Variants in NF1 observed in about 807,000 individuals in gnomAD.
NF1 encodes the protein neurofibromin 1, also known as neurofibromin.
A neutral mutation model predicts 325.7 loss-of-function variants in NF1; 122 were observed. The observed-to-expected ratio is 0.37, with a 90% CI of 0.32 to 0.44. The LOEUF is 0.44. Among genes scored for constraint, NF1 ranks in the 20% least tolerant of loss-of-function variants. The pLI is 1.00. For missense variants in NF1, 2,140 were observed against 3,415.4 expected, an observed-to-expected ratio of 0.63 and a Z score of 9.31; for synonymous variants, 1,091 against 1,186.0, an observed-to-expected ratio of 0.92 and a Z score of 1.65.
chr17:31,304,049 T>G, intron 36 of NF1: 2 of 452,238 alleles, frequency 4.4e-6, no homozygotes, highest in Non-Finnish European at 7.8e-6. Context: ...TACTATACTT[T>G]AAAGATAGGT....
At chr17:31,318,396 G>T in intron 36 of NF1, 1 of 1,613,924 alleles carries the variant, frequency 6.2e-7, no homozygotes. Context: ...GCATCACTAG[G>T]TTGGGTCCTG....
intron 36 of NF1, among the ~76,000 whole-genome samples, chr17:31,269,100 G>T (rs186172873): frequency 3.9e-5 from 6 of 152,078 alleles, no homozygotes; most frequent in Admixed American, 2.6e-4. Flanking sequence ...CTGCTTTGCT[G>T]GAACTCTGTG....
chr17:31,320,840 A>G (rs1273400095), intron 36 of NF1: 1 of 173,166 alleles, frequency 5.8e-6, no homozygotes, highest in Admixed American at 5.8e-5. Context: ...TTTTTATACT[A>G]GACTGGACTT....
rs1597747170 is a variant in NF1 at position 31,260,510 on chromosome 17, C to A, written c.4572C>A (p.Ser1524Arg). 2.5e-6 allele frequency: 4 copies of A among 1,613,842 alleles called. No individual in the cohort carries two copies. Among genetic ancestry groups the A allele is most frequent in the Non-Finnish European group, 3.4e-6 (4 of 1,179,928 alleles). ...AGAAAATTGGGCAGTATCTTTCCAG[C>A]AACAGGTAAGATTTCCCAGTCATGG... The part of the protein sequence containing the change: ...NQEKIGQYLS[S>R]NRDHKAVGRR... The change falls in exon 34 of 58, where the codon AGC (serine) becomes AGA (arginine). Residue 1524 changes from serine to arginine, a missense_variant. Coordinates refer to ENST00000358273, the MANE Select transcript of NF1 (RefSeq NM_001042492.3).
intron 1 of NF1, among the ~76,000 whole-genome samples, chr17:31,097,170 A>T (rs1269696255): frequency 6.6e-6 from 1 of 152,126 alleles, no homozygotes. Flanking sequence ...GAGAGGAATG[A>T]TTTTGGGCTG....
At chr17:31,165,349 A>G (rs933909401) in intron 4 of NF1, among the ~76,000 whole-genome samples, 2 of 152,224 alleles carry the variant, frequency 1.3e-5, no homozygotes, top group Non-Finnish European at 2.9e-5. Flanking sequence ...ACATTGTTTC[A>G]GACAACTGCA....
chr17:31,216,201 T>G (rs768610322), intron 13 of NF1, among the ~76,000 whole-genome samples: 3 of 152,216 alleles, frequency 2.0e-5, no homozygotes, highest in Non-Finnish European at 4.4e-5. Flanking sequence ...AGTACTCTGT[T>G]TACGTGGTGA....
At chr17:31,337,057 C>G in intron 42 of NF1, 143 bp downstream of exon 42, 2 of 853,818 alleles carry the variant, frequency 2.3e-6, no homozygotes, top group Admixed American at 2.6e-5. Flanking sequence ...GAAATATTAC[C>G]AAAAAGAAAA....
At chr17:31,188,050 C>T (rs2066274481) in intron 8 of NF1, among the ~76,000 whole-genome samples, 2 of 152,040 alleles carry the variant, frequency 1.3e-5, no homozygotes, top group African/African-American at 2.4e-5. Flanking sequence ...ATTGCCATGC[C>T]CTGTGATTAA....
rs375767104 is a variant in NF1, at chr17:31,122,592, A to G, written c.60+27223A>G. Among the ~76,000 whole-genome samples, 58 of 152,294 alleles carry G rather than the reference A, an allele frequency of 3.8e-4. 1 individual carries two copies. The highest frequency in any genetic ancestry group is 1.3e-3 in the African/African-American group (54 of 41,544). On this transcript the variant is annotated intron_variant, in intron 1 of 57. Transcript: ENST00000358273. Reference sequence around the variant, plus strand: ...TGGGTGCTGTTGGCTTAAACATCTAATTGCATCTGCTTTGTCTTCTTTAGT... The same window carrying G: ...TGGGTGCTGTTGGCTTAAACATCTAGTTGCATCTGCTTTGTCTTCTTTAGT...
Position 31,279,538 on chromosome 17 carries a change from C to T in NF1, c.4835+14199C>T, listed in dbSNP as rs1010735871. On this transcript the variant is annotated intron_variant, in intron 36 of 57. Transcript: ENST00000358273. ...ACTTGGGAGCCTGAGGTGGGAGGAT[C>T]GCTTGAGCTCAGAATCCAGTCTGGG... 2.0e-5 allele frequency among the ~76,000 whole-genome samples: 3 copies of T among 150,164 alleles called. No individual in the cohort carries two copies. The South Asian group carries it at 6.3e-4, about 31-fold the overall frequency.
chr17:31,362,820 A>T (rs2151590437), intron 57 of NF1, among the ~76,000 whole-genome samples: 1 of 152,274 alleles, frequency 6.6e-6, no homozygotes, highest in Non-Finnish European at 1.5e-5. Context: ...ACTAATGGAG[A>T]CAATAAAATA....
rs139406434 is a variant in NF1, at chr17:31,117,126, C to T, written c.60+21757C>T. Among the ~76,000 whole-genome samples the T allele has an allele frequency of 6.3e-4, 95 of 151,900 alleles. No individual in the cohort carries two copies. The East Asian group carries it at 0.013, about 21-fold the overall frequency. ...CCTTTGGAGTAGCTGGTACTACAGGCGTGCCGCCACGCCTGGCTAAATTTT... is the reference window on the plus strand; with the variant it reads ...CCTTTGGAGTAGCTGGTACTACAGGTGTGCCGCCACGCCTGGCTAAATTTT... On this transcript the variant is annotated intron_variant, in intron 1 of 57. Coordinates refer to ENST00000358273, the MANE Select transcript of NF1 (RefSeq NM_001042492.3).
intron 13 of NF1, among the ~76,000 whole-genome samples, chr17:31,217,671 AG>A (rs1446816707): frequency 1.3e-5 from 2 of 151,936 alleles, no homozygotes; most frequent in Non-Finnish European, 2.9e-5. Context: ...GTCTCTAAAT[AG>A]GTAGGCATTC....
At chr17:31,304,502 A>C in intron 36 of NF1, 1 of 1,614,180 alleles carries the variant, frequency 6.2e-7, no homozygotes. Flanking sequence ...AGACTAGTAG[A>C]ATCATTTGGA....
At chr17:31,242,432 C>A (rs182844770) in intron 29 of NF1, among the ~76,000 whole-genome samples, 1 of 147,238 alleles carries the variant, frequency 6.8e-6, no homozygotes, top group Non-Finnish European at 1.5e-5. Context: ...GCCAGTAACT[C>A]TTAAATTTGC....
chr17:31,101,977 T>C (rs1367259734), intron 1 of NF1, among the ~76,000 whole-genome samples: 3 of 152,190 alleles, frequency 2.0e-5, no homozygotes, highest in Non-Finnish European at 4.4e-5. Context: ...CACAGAACAT[T>C]GATGGAATGT....
intron 48 of NF1, chr17:31,345,737 G>A: frequency 1.3e-6 from 2 of 1,511,232 alleles, no homozygotes; most frequent in Non-Finnish European, 1.8e-6. Context: ...CACGCCTAAT[G>A]ATGTCCGAGT....
At position 31,211,361 on chromosome 17, in the gene NF1, A is replaced by G. The variant is rs116548706; in HGVS notation, c.1393-3090A>G. ...TTAAAAGGTATTTGAGATGAATTAA[A>G]TTTATTGGAATTTCTGAAGTCATAC... On this transcript the variant is annotated intron_variant, in intron 12 of 57. Transcript: ENST00000358273. 3.9e-3 allele frequency among the ~76,000 whole-genome samples: 592 copies of G among 152,340 alleles called. 3 individuals carry two copies. Among genetic ancestry groups the G allele is most frequent in the African/African-American group, 0.014 (571 of 41,582 alleles).
Sources: allele counts gnomAD v4.1 joint callset (sites outside exome capture counted in the v4.1 genomes callset), GRCh38; gene constraint gnomAD v4.1.1; transcripts MANE v1.5; gene names NCBI Gene and HGNC (gene_info 2026-07-23, HGNC 2026-07-21).